The following WWOX variants were observed in gnomAD, a reference collection of about 807,000 sequenced individuals.
WWOX encodes WW domain containing oxidoreductase.
WWOX carries 69 observed loss-of-function variants against 46.2 expected under a neutral mutation model. That is an observed-to-expected ratio of 1.49 (90% confidence interval 1.23 to 1.82). The LOEUF (loss-of-function observed/expected upper bound fraction) is 1.82. Among genes scored for constraint, WWOX ranks in the 40% most tolerant of loss-of-function variants. The pLI is 0.00. For missense variants in WWOX, 919 were observed against 542.6 expected (o/e 1.69, Z -6.89); for synonymous variants, 359 against 202.6 (o/e 1.77, Z -6.56).
intron 6 of WWOX, among the ~76,000 whole-genome samples, chr16:78,408,193 G>A (rs1264536534): frequency 6.6e-6 from 1 of 152,096 alleles, no homozygotes; most frequent in Non-Finnish European, 1.5e-5. Flanking sequence ...CTTCTTACTT[G>A]GTGCACTCTT....
rs370010067 is a variant in WWOX at position 78,387,528 on chromosome 16, C to A, written c.605+580C>A. On this transcript the variant is annotated intron_variant, in intron 6 of 8. Transcript: ENST00000566780. ...AGGGCCTAGCATATTTTGATCCTAT[C>A]ATATGCTAGCATCCCTTTCTAACAG... Among the ~76,000 whole-genome samples the A allele has an allele frequency of 6.6e-5, 10 of 152,052 alleles. No individual in the cohort carries two copies. In the East Asian group the frequency reaches 7.8e-4, roughly 12 times the overall value.
chr16:79,006,340 A>G (rs1348680839), intron 8 of WWOX, among the ~76,000 whole-genome samples: 1 of 152,156 alleles, frequency 6.6e-6, no homozygotes, highest in Non-Finnish European at 1.5e-5. Flanking sequence ...CGGGGGCCTC[A>G]GCAGGTTAGA....
chr16:78,761,434 C>G (rs2049791270), intron 8 of WWOX, among the ~76,000 whole-genome samples: 1 of 152,134 alleles, frequency 6.6e-6, no homozygotes, highest in Non-Finnish European at 1.5e-5. Context: ...TCTCGGTTCC[C>G]AGACCATCAA....
chr16:78,900,328 A>C (rs184557442), intron 8 of WWOX, among the ~76,000 whole-genome samples: 3 of 152,262 alleles, frequency 2.0e-5, no homozygotes, highest in Admixed American at 6.5e-5. Context: ...TCTATGCCTT[A>C]AGCCCAAATG....
intron 4 of WWOX, among the ~76,000 whole-genome samples, chr16:78,118,435 A>C (rs1367614483): frequency 1.3e-5 from 2 of 152,152 alleles, no homozygotes; most frequent in Admixed American, 1.3e-4. Flanking sequence ...GACTGGATTC[A>C]ACTGTCTGGA....
intron 8 of WWOX, among the ~76,000 whole-genome samples, chr16:79,031,850 T>C (rs1415324510): frequency 1.4e-5 from 2 of 138,224 alleles, no homozygotes; most frequent in African/African-American, 5.4e-5. Flanking sequence ...TCTTATTATA[T>C]ATTATATATA....
intron 8 of WWOX, among the ~76,000 whole-genome samples, chr16:78,628,863 T>C (rs1344942061): frequency 6.6e-6 from 1 of 152,210 alleles, no homozygotes; most frequent in Non-Finnish European, 1.5e-5. Flanking sequence ...GAGGCCACTG[T>C]TGTGAATCTC....
intron 8 of WWOX, among the ~76,000 whole-genome samples, chr16:78,811,581 G>A (rs913209180): frequency 6.6e-6 from 1 of 151,710 alleles, no homozygotes; most frequent in Non-Finnish European, 1.5e-5. Flanking sequence ...ATGTTGGCCA[G>A]GCTGGTCTCA....
chr16:78,765,155 G>A (rs1351225468), intron 8 of WWOX, among the ~76,000 whole-genome samples: 2 of 152,222 alleles, frequency 1.3e-5, no homozygotes, highest in Admixed American at 6.5e-5. Flanking sequence ...GCAGATCACA[G>A]TGGCCCCACA....
intron 5 of WWOX, among the ~76,000 whole-genome samples, chr16:78,255,650 C>T (rs28774375): frequency 0.018 from 2,737 of 152,228 alleles, 75 homozygotes; most frequent in African/African-American, 0.059. Flanking sequence ...TAGGAAAATA[C>T]GTACACTTGA....
At chr16:78,634,931 T>G (rs1465218243) in intron 8 of WWOX, among the ~76,000 whole-genome samples, 7 of 151,590 alleles carry the variant, frequency 4.6e-5, no homozygotes, top group African/African-American at 1.7e-4. Flanking sequence ...GCTGACTTTG[T>G]GAACGAGGAG....
At chr16:78,225,200 A>G (rs774713686) in intron 5 of WWOX, among the ~76,000 whole-genome samples, 12 of 152,196 alleles carry the variant, frequency 7.9e-5, no homozygotes, top group African/African-American at 1.4e-4. Flanking sequence ...GAACCTGTAT[A>G]GTATATTACT....
chr16:78,961,197 C>A (rs1277002216), intron 8 of WWOX, among the ~76,000 whole-genome samples: 1 of 152,048 alleles, frequency 6.6e-6, no homozygotes. Context: ...GGGATGGTGA[C>A]ATCAGAAGTT....
chr16:78,150,173 G>T (rs1409189667), intron 4 of WWOX, among the ~76,000 whole-genome samples: 1 of 152,148 alleles, frequency 6.6e-6, no homozygotes, highest in African/African-American at 2.4e-5. Context: ...TGCTATAATG[G>T]CTCATAAAAC....
At chr16:79,115,175 G>T (rs115665463) in intron 8 of WWOX, among the ~76,000 whole-genome samples, 2,006 of 152,278 alleles carry the variant, frequency 0.013, 50 homozygotes, top group African/African-American at 0.046. Flanking sequence ...TGGTTGTTGT[G>T]CCATGGATTC....
chr16:78,500,448 G>A (rs1052021832), intron 8 of WWOX, among the ~76,000 whole-genome samples: 5 of 146,902 alleles, frequency 3.4e-5, no homozygotes, highest in African/African-American at 7.6e-5. Flanking sequence ...TCTTTGTTCC[G>A]CTTTTGTTTG....
chr16:78,328,852 C>G (rs62034382), intron 5 of WWOX, among the ~76,000 whole-genome samples: 10 of 138,538 alleles, frequency 7.2e-5, no homozygotes, highest in Middle Eastern at 7.5e-3. Flanking sequence ...CTTTTGTTTT[C>G]TTTTCTTTTC....
At chr16:79,161,949 G>T (rs1039715864) in intron 8 of WWOX, among the ~76,000 whole-genome samples, 1 of 152,236 alleles carries the variant, frequency 6.6e-6, no homozygotes, top group Admixed American at 6.5e-5. Context: ...GAAGCCTGGA[G>T]ATAGGAATCC....
At chr16:78,160,033 C>G (rs1273106683) in intron 4 of WWOX, among the ~76,000 whole-genome samples, 1 of 151,416 alleles carries the variant, frequency 6.6e-6, no homozygotes, top group East Asian at 1.9e-4. Context: ...TTCTTTTTTT[C>G]TCTGTATTTT....
Sources: allele counts gnomAD v4.1 joint callset (sites outside exome capture counted in the v4.1 genomes callset), GRCh38; gene constraint gnomAD v4.1.1; transcripts MANE v1.5; gene names NCBI Gene and HGNC (gene_info 2026-07-23, HGNC 2026-07-21).